The following KLF12 variants were observed in gnomAD, a reference collection of about 807,000 sequenced individuals.
The protein encoded by KLF12 is Krueppel-like factor 12.
Under a neutral mutation model 37.8 loss-of-function variants are expected in KLF12, and 9 were observed. That is an observed-to-expected ratio of 0.24 (90% CI 0.14 to 0.42). The LOEUF (loss-of-function observed/expected upper bound fraction) is 0.42. Among genes scored for constraint, KLF12 ranks in the 10% least tolerant of loss-of-function variants. The probability of loss-of-function intolerance (pLI) is 1.00; values close to 1 mark genes in which losing one functional copy is unlikely to be tolerated. For missense variants in KLF12, 411 were observed against 516.0 expected, an observed-to-expected ratio of 0.80 and a Z score of 1.97; for synonymous variants, 208 against 202.1, an observed-to-expected ratio of 1.03 and a Z score of -0.25.
At chr13:73,853,907 G>A (rs1885469118) in intron 3 of KLF12, among the ~76,000 whole-genome samples, 1 of 152,120 alleles carries the variant, frequency 6.6e-6, no homozygotes, top group South Asian at 2.1e-4. Context: ...TTGTTAGCTT[G>A]GAATATGGTG....
At chr13:74,235,677 A>G in the KLF12 span, among the ~76,000 whole-genome samples, 1 of 152,192 alleles carries the variant, frequency 6.6e-6, no homozygotes, top group Non-Finnish European at 1.5e-5. Flanking sequence ...ATCAAAAGCT[A>G]TACTTTCATG....
intron 2 of KLF12, among the ~76,000 whole-genome samples, chr13:73,974,130 G>A (rs967483504): frequency 6.6e-6 from 1 of 152,032 alleles, no homozygotes; most frequent in African/African-American, 2.4e-5. Context: ...AGAACAAAGA[G>A]AGCCTGAAAA....
At chr13:74,167,983 C>T in the KLF12 span, among the ~76,000 whole-genome samples, 1 of 152,222 alleles carries the variant, frequency 6.6e-6, no homozygotes, top group Non-Finnish European at 1.5e-5. Flanking sequence ...TTATATTGTT[C>T]CCAACTGGTA....
chr13:73,820,926 C>T (rs1311421537), intron 4 of KLF12, among the ~76,000 whole-genome samples: 1 of 152,166 alleles, frequency 6.6e-6, no homozygotes, highest in Non-Finnish European at 1.5e-5. Context: ...AAATTAAGCC[C>T]TGTGGGCCCT....
intron 2 of KLF12, among the ~76,000 whole-genome samples, chr13:73,985,080 G>A (rs1226228330): frequency 1.3e-5 from 2 of 152,166 alleles, no homozygotes; most frequent in Non-Finnish European, 2.9e-5. Context: ...GGAAGCCTTG[G>A]CCACATGAAG....
At chr13:74,246,622 T>C in the KLF12 span, among the ~76,000 whole-genome samples, 1 of 152,158 alleles carries the variant, frequency 6.6e-6, no homozygotes, top group African/African-American at 2.4e-5. Flanking sequence ...CAACTCTCTC[T>C]CCTCCGACAT....
chr13:73,944,170 C>G (rs1400991153), intron 2 of KLF12, 100 bp from the exon 3 acceptor site: 1 of 706,728 alleles, frequency 1.4e-6, no homozygotes, highest in Non-Finnish European at 2.4e-6. Flanking sequence ...GTATTGCTAA[C>G]CTAATTTTTT....
chr13:74,106,197 G>C (rs1876641930), intron 1 of KLF12, among the ~76,000 whole-genome samples: 1 of 152,166 alleles, frequency 6.6e-6, no homozygotes. Context: ...AATGCTTGGA[G>C]AGCCTTAAAC....
intron 6 of KLF12, among the ~76,000 whole-genome samples, chr13:73,734,769 T>C (rs1055653557): frequency 4.6e-5 from 7 of 152,160 alleles, no homozygotes; most frequent in Admixed American, 6.5e-5. Flanking sequence ...TTATGTCTGA[T>C]TTTCACAAAA....
At chr13:74,245,734 T>C in the KLF12 span, among the ~76,000 whole-genome samples, 1 of 152,158 alleles carries the variant, frequency 6.6e-6, no homozygotes, top group Admixed American at 6.5e-5. Flanking sequence ...TAGCAAAGTG[T>C]TTCACTAAGG....
intron 5 of KLF12, among the ~76,000 whole-genome samples, chr13:73,782,733 C>T (rs1881042931): frequency 6.6e-6 from 1 of 152,146 alleles, no homozygotes; most frequent in Non-Finnish European, 1.5e-5. Context: ...TGCCAAGTGA[C>T]TTTAGTTTCT....
At chr13:73,911,791 T>C (rs1011769289) in intron 3 of KLF12, among the ~76,000 whole-genome samples, 1 of 152,232 alleles carries the variant, frequency 6.6e-6, no homozygotes, top group African/African-American at 2.4e-5. Context: ...TGTACTGAAT[T>C]ATGGAAATGG....
chr13:74,290,163 C>T, the KLF12 span, among the ~76,000 whole-genome samples: 81 of 152,278 alleles, frequency 5.3e-4, 1 homozygote, highest in African/African-American at 1.8e-3. Context: ...AGAAATTTCC[C>T]TCTCAAATGG....
At chr13:73,734,186 A>G (rs759400891) in intron 6 of KLF12, among the ~76,000 whole-genome samples, 5 of 152,112 alleles carry the variant, frequency 3.3e-5, no homozygotes, top group Non-Finnish European at 5.9e-5. Context: ...ACATGTTCAC[A>G]TCTTTAGATG....
intron 3 of KLF12, 47 bp downstream of exon 3, chr13:73,943,934 C>T (rs369017501): frequency 4.7e-5 from 54 of 1,140,542 alleles, no homozygotes; most frequent in African/African-American, 2.9e-4. Flanking sequence ...CAGAAGAATG[C>T]CACTCTCATC....
the KLF12 span, among the ~76,000 whole-genome samples, chr13:74,242,258 T>C: frequency 6.6e-6 from 1 of 152,220 alleles, no homozygotes; most frequent in Non-Finnish European, 1.5e-5. Flanking sequence ...TCTGTCTTCA[T>C]GCTGCTGATA....
intron 7 of KLF12, among the ~76,000 whole-genome samples, chr13:73,696,395 G>A (rs1036069523): frequency 1.3e-5 from 2 of 152,118 alleles, no homozygotes; most frequent in Admixed American, 6.5e-5. Context: ...AATTTGACCG[G>A]GTCTCTCAGT....
intron 2 of KLF12, among the ~76,000 whole-genome samples, chr13:73,970,816 T>C (rs1891313312): frequency 6.6e-6 from 1 of 152,244 alleles, no homozygotes. Context: ...ATCGTTTGTG[T>C]GTTCTAACAA....
chr13:73,971,729 T>C (rs548023945), intron 2 of KLF12, among the ~76,000 whole-genome samples: 11 of 152,164 alleles, frequency 7.2e-5, no homozygotes, highest in South Asian at 6.2e-4. Flanking sequence ...ATATGAACTA[T>C]GAATAAACAG....
Sources: gnomAD v4.1 joint callset for allele counts (sites outside exome capture counted in the v4.1 genomes callset) on GRCh38, gnomAD v4.1.1 for gene constraint, MANE v1.5 for transcripts, NCBI Gene and HGNC (gene_info 2026-07-23, HGNC 2026-07-21) for gene names.